Variants in CRIM1 observed in about 807,000 individuals in gnomAD.
CRIM1 encodes cysteine rich transmembrane BMP regulator 1, also known as cysteine-rich motor neuron 1 protein.
A neutral mutation model predicts 116.4 loss-of-function variants in CRIM1; 32 were observed. That is an observed-to-expected ratio of 0.27 (90% CI 0.21 to 0.37). The LOEUF is 0.37. CRIM1 is among the 10% of genes least tolerant of loss of function. CRIM1 has a pLI of 1.00. For missense variants in CRIM1, 1,331 were observed against 1,354.8 expected, an observed-to-expected ratio of 0.98 and a Z score of 0.28; for synonymous variants, 590 against 509.2, an observed-to-expected ratio of 1.16 and a Z score of -2.13.
At chr2:36,417,686 G>A (rs1673725477) in intron 2 of CRIM1, among the ~76,000 whole-genome samples, 1 of 152,156 alleles carries the variant, frequency 6.6e-6, no homozygotes, top group South Asian at 2.1e-4. Flanking sequence ...ACCAAAGAAG[G>A]TTTAAATGCA....
At chr2:36,488,903 T>C (rs1680029305) in intron 7 of CRIM1, among the ~76,000 whole-genome samples, 1 of 152,096 alleles carries the variant, frequency 6.6e-6, no homozygotes, top group Non-Finnish European at 1.5e-5. Context: ...TCATGTAACT[T>C]TCACATTGGC....
intron 1 of CRIM1, among the ~76,000 whole-genome samples, chr2:36,389,177 C>T (rs1671392149): frequency 6.6e-6 from 1 of 152,168 alleles, no homozygotes; most frequent in Non-Finnish European, 1.5e-5. Flanking sequence ...TAAATTTGCC[C>T]TTCCTGCTTT....
chr2:36,491,902 T>C (rs1680253014), intron 7 of CRIM1, among the ~76,000 whole-genome samples: 1 of 152,108 alleles, frequency 6.6e-6, no homozygotes, highest in African/African-American at 2.4e-5. Flanking sequence ...AGAATAAGAA[T>C]AAAATGTAAG....
intron 6 of CRIM1, among the ~76,000 whole-genome samples, chr2:36,478,629 A>G (rs902517983): frequency 3.9e-5 from 6 of 152,214 alleles, no homozygotes; most frequent in Non-Finnish European, 8.8e-5. Context: ...ACTTTATTAT[A>G]ATGTCCCACT....
chr2:36,385,101 C>G (rs1671080301), intron 1 of CRIM1, among the ~76,000 whole-genome samples: 1 of 145,000 alleles, frequency 6.9e-6, no homozygotes, highest in Non-Finnish European at 1.5e-5. Context: ...AAAAAAAAAT[C>G]AAAGGTTTGG....
chr2:36,416,276 G>A (rs982095337), intron 2 of CRIM1, among the ~76,000 whole-genome samples: 1 of 152,026 alleles, frequency 6.6e-6, no homozygotes, highest in Non-Finnish European at 1.5e-5. Flanking sequence ...TAACTTTCAT[G>A]ATATGCTAAA....
At chr2:36,465,810 T>C (rs974945670) in intron 5 of CRIM1, among the ~76,000 whole-genome samples, 1 of 152,192 alleles carries the variant, frequency 6.6e-6, no homozygotes, top group Non-Finnish European at 1.5e-5. Flanking sequence ...TAAAATGGAC[T>C]GAATAACAGT....
intron 5 of CRIM1, among the ~76,000 whole-genome samples, chr2:36,469,691 A>G (rs904434992): frequency 4.6e-5 from 7 of 152,216 alleles, no homozygotes; most frequent in East Asian, 1.9e-4. Flanking sequence ...CCCACTGTCT[A>G]TATAGCAATT....
chr2:36,503,139 C>T (rs925314905), intron 8 of CRIM1, among the ~76,000 whole-genome samples: 1 of 152,150 alleles, frequency 6.6e-6, no homozygotes, highest in Non-Finnish European at 1.5e-5. Context: ...TCAAATCAAA[C>T]CAAATTTCCA....
intron 13 of CRIM1, among the ~76,000 whole-genome samples, chr2:36,528,586 T>A (rs966787425): frequency 3.9e-5 from 6 of 152,218 alleles, no homozygotes; most frequent in African/African-American, 1.4e-4. Flanking sequence ...GCATTTATCA[T>A]CAGGGCGCAC....
At chr2:36,508,673 C>T (rs1681596134) in intron 8 of CRIM1, among the ~76,000 whole-genome samples, 1 of 152,188 alleles carries the variant, frequency 6.6e-6, no homozygotes. Flanking sequence ...ACACAGGTCT[C>T]AACTTGCTTG....
chr2:36,459,388 A>T (rs1040650029), intron 4 of CRIM1, among the ~76,000 whole-genome samples: 3 of 152,228 alleles, frequency 2.0e-5, no homozygotes, highest in Non-Finnish European at 4.4e-5. Flanking sequence ...AAAAATATAA[A>T]ACAATACATG....
At chr2:36,499,974 A>T (rs848533) in intron 8 of CRIM1, among the ~76,000 whole-genome samples, 65,418 of 151,994 alleles carry the variant, frequency 0.43, 17,217 homozygotes, top group African/African-American at 0.73. Flanking sequence ...GTTGATCTTT[A>T]CCATCATTTG....
chr2:36,394,786 C>G (rs1367031217), intron 1 of CRIM1, among the ~76,000 whole-genome samples: 1 of 152,012 alleles, frequency 6.6e-6, no homozygotes, highest in Non-Finnish European at 1.5e-5. Flanking sequence ...AATAAGTGAG[C>G]CTGATCTCCT....
chr2:36,407,048 C>G (rs914263095), intron 2 of CRIM1, among the ~76,000 whole-genome samples: 1 of 152,148 alleles, frequency 6.6e-6, no homozygotes, highest in African/African-American at 2.4e-5. Flanking sequence ...GGTCAGGGAT[C>G]TCATTATCAT....
intron 2 of CRIM1, among the ~76,000 whole-genome samples, chr2:36,436,293 G>A (rs1200616736): frequency 6.6e-6 from 1 of 152,164 alleles, no homozygotes; most frequent in African/African-American, 2.4e-5. Context: ...AGAGGAAGAT[G>A]CAGGGTGAGT....
intron 5 of CRIM1, among the ~76,000 whole-genome samples, chr2:36,471,100 A>C (rs541694926): frequency 9.2e-5 from 14 of 152,356 alleles, no homozygotes; most frequent in Admixed American, 6.5e-4. Context: ...CAATCTCATG[A>C]TAAAACTGGA....
chr2:36,543,406 A>G (rs1667090929), intron 14 of CRIM1, among the ~76,000 whole-genome samples: 1 of 152,206 alleles, frequency 6.6e-6, no homozygotes, highest in South Asian at 2.1e-4. Context: ...TATTAATCCT[A>G]TTTTAATTTA....
intron 1 of CRIM1, among the ~76,000 whole-genome samples, chr2:36,381,323 C>T (rs1007904397): frequency 2.0e-5 from 3 of 152,174 alleles, no homozygotes; most frequent in African/African-American, 7.2e-5. Context: ...CAGGCAGCTC[C>T]CGCTAGACTC....
Sources: gnomAD v4.1 joint callset for allele counts (sites outside exome capture counted in the v4.1 genomes callset) on GRCh38, gnomAD v4.1.1 for gene constraint, MANE v1.5 for transcripts, NCBI Gene and HGNC (gene_info 2026-07-23, HGNC 2026-07-21) for gene names.